Variants in ACSL1 observed in about 807,000 individuals in gnomAD.
The protein encoded by ACSL1 is long-chain-fatty-acid--CoA ligase 1.
Under a neutral mutation model 98.4 loss-of-function variants are expected in ACSL1, and 41 were observed. The observed-to-expected ratio is 0.42, with a 90% CI of 0.32 to 0.54. The LOEUF is 0.54. Ranked by LOEUF, ACSL1 falls within the 20% of genes least tolerant of loss-of-function variation. ACSL1 has a pLI of 0.13. For missense variants in ACSL1, 734 were observed against 883.1 expected, an observed-to-expected ratio of 0.83 and a Z score of 2.14; for synonymous variants, 316 against 322.7, an observed-to-expected ratio of 0.98 and a Z score of 0.22.
rs1334168118 is a variant in ACSL1 at position 184,766,748 on chromosome 4, T to C, written c.1137A>G (p.Gly379=). The C allele has an allele frequency of 1.9e-6, 3 of 1,611,266 alleles. No individual in the cohort carries two copies. Among genetic ancestry groups the C allele is most frequent in the Non-Finnish European group, 2.5e-6 (3 of 1,177,762 alleles). Residue 379 remains glycine, a synonymous_variant, in exon 13 of 21, where the codon GGA becomes GGG. Transcript: ENST00000281455. The surrounding 1 kb of genome is among the most constrained non-coding windows in gnomAD (Gnocchi z 4.8). ...LLNRMFDRIF[G]QANTTLKRWL... ...ATCGCTTCAGCGTGGTGTTTGCTTG[T>C]CCGAAAATCTAATGAGGCAAGACAT...
At chr4:184,775,788 G>A (rs922973488) in intron 7 of ACSL1, among the ~76,000 whole-genome samples, 2 of 152,214 alleles carry the variant, frequency 1.3e-5, no homozygotes, top group Non-Finnish European at 2.9e-5. Flanking sequence ...CCTTCAGAAA[G>A]AGAAGGACTG....
At position 184,757,414 on chromosome 4, in the gene ACSL1, G is replaced by A. The variant is rs2150249726; in HGVS notation, c.1957-149C>T. 9.2e-7 allele frequency: 1 copy of A among 1,082,462 alleles called. No homozygotes were observed. Among genetic ancestry groups the A allele is most frequent in the African/African-American group, 1.6e-5 (1 of 62,840 alleles). 67.1% of individuals were successfully genotyped at this position (1,082,462 alleles called of 1,614,324 possible). ...GCTGCACCTTCTCAACAAAGGACAGGCATCCTATTCTTAGGATAGGATTCG... is the reference window on the plus strand; with the variant it reads ...GCTGCACCTTCTCAACAAAGGACAGACATCCTATTCTTAGGATAGGATTCG... On this transcript the variant is annotated intron_variant, in intron 20 of 20. Coordinates refer to ENST00000281455, the MANE Select transcript of ACSL1 (RefSeq NM_001995.5). The surrounding 1 kb of genome is among the most constrained non-coding windows in gnomAD (Gnocchi z 4.5).
chr4:184,766,906 A>C lies in ACSL1; in HGVS notation c.1129-150T>G. 2.3e-6 allele frequency: 2 copies of C among 851,882 alleles called. No individual in the cohort carries two copies. The highest frequency in any genetic ancestry group is 1.7e-5 in the African/African-American group (1 of 58,364). The allele number at this position is 851,882 out of a possible 1,614,324, so 52.8% of individuals were successfully genotyped here. On this transcript the variant is annotated intron_variant, in intron 12 of 20. Transcript: ENST00000281455. The surrounding 1 kb of genome is among the most constrained non-coding windows in gnomAD (Gnocchi z 4.8). Reference sequence around the variant, plus strand: ...CTGGCCGGTCCTCTAACGGCCCCACATGGTCAGCACAGGACAGCAATTCCA... The same window carrying C: ...CTGGCCGGTCCTCTAACGGCCCCACCTGGTCAGCACAGGACAGCAATTCCA...
chr4:184,811,514 AGAAG>A (rs1772118011), intron 1 of ACSL1, among the ~76,000 whole-genome samples: 1 of 152,182 alleles, frequency 6.6e-6, no homozygotes, highest in African/African-American at 2.4e-5. Flanking sequence ...ACCTTTAAAA[AGAAG>A]GAAATTTGGA....
chr4:184,806,443 C>T (rs1194718355), intron 1 of ACSL1, among the ~76,000 whole-genome samples: 3 of 152,152 alleles, frequency 2.0e-5, no homozygotes, highest in Non-Finnish European at 4.4e-5. Flanking sequence ...ACACACACTG[C>T]CATGCCTTTC....
chr4:184,777,272 C>A (rs1253679517), intron 5 of ACSL1, among the ~76,000 whole-genome samples: 1 of 152,134 alleles, frequency 6.6e-6, no homozygotes, highest in Admixed American at 6.5e-5. Context: ...AGTTCAAGAC[C>A]AGCCTGGGAA....
At chr4:184,770,168 T>A in intron 11 of ACSL1, 1 of 1,218,624 alleles carries the variant, frequency 8.2e-7, no homozygotes, top group Non-Finnish European at 1.1e-6. Context: ...AAAGAATTTA[T>A]ATTCTTTCAA....
intron 3 of ACSL1, chr4:184,788,362 T>C (rs1486546963): frequency 1.0e-5 from 6 of 590,088 alleles, no homozygotes; most frequent in Non-Finnish European, 1.9e-5. Flanking sequence ...TGTGCACTGG[T>C]GTAACATGTG....
chr4:184,808,646 G>C, intron 1 of ACSL1: 1 of 271,272 alleles, frequency 3.7e-6, no homozygotes, highest in Non-Finnish European at 5.6e-6. Flanking sequence ...AGGAACAAGA[G>C]AGCAGCAGCC....
Position 184,825,736 on chromosome 4 carries a change from G to A in ACSL1, c.-33+180C>T, listed in dbSNP as rs956506590. 5.3e-5 allele frequency among the ~76,000 whole-genome samples: 8 copies of A among 149,862 alleles called. No homozygotes were observed. Among genetic ancestry groups the A allele is most frequent in the African/African-American group, 1.2e-4 (5 of 41,212 alleles). On this transcript the variant is annotated intron_variant, in intron 1 of 20. Transcript: ENST00000281455. The surrounding 1 kb of genome is among the most constrained non-coding windows in gnomAD (Gnocchi z 4.7). ...AGGCCTCCGGCTGCCGAGGGAAGCG[G>A]GGCCGCGGGCAGGAGGCCGGAAAGG...
chr4:184,778,309 T>C (rs1225802132), intron 5 of ACSL1, among the ~76,000 whole-genome samples: 2 of 152,206 alleles, frequency 1.3e-5, no homozygotes, highest in African/African-American at 2.4e-5. Context: ...TCACATCCAC[T>C]TGGCCTGGAA....
intron 1 of ACSL1, among the ~76,000 whole-genome samples, chr4:184,818,166 C>T (rs775865873): frequency 6.6e-6 from 1 of 152,120 alleles, no homozygotes; most frequent in Non-Finnish European, 1.5e-5. Context: ...TTGCCTGAGG[C>T]GCAATGTAGG....
rs148932292 is a variant in ACSL1, at chr4:184,756,927, T to C, written c.*198A>G. ...TGGAAAGTGTGTATTACCATAAACA[T>C]GGTCTGCAACATGAGGTGACTGTAA... is the stretch of plus-strand genomic sequence containing the variant. On this transcript the variant is annotated 3_prime_UTR_variant, in exon 21 of 21. Transcript: ENST00000281455. The C allele has an allele frequency of 5.7e-4, 320 of 564,436 alleles. 1 individual carries two copies. The East Asian group carries it at 8.7e-3, about 15-fold the overall frequency. The allele number at this position is 564,436 out of a possible 1,614,324, so 35.0% of individuals were successfully genotyped here. A position where few individuals can be genotyped will look rare whatever the true frequency, so the allele number is the denominator to read the frequency against.
At chr4:184,768,243 C>T in intron 12 of ACSL1, 73 bp downstream of exon 12, 1 of 1,494,904 alleles carries the variant, frequency 6.7e-7, no homozygotes, top group Non-Finnish European at 9.0e-7. Flanking sequence ...GCACATGGCA[C>T]AGCCCAATTC....
intron 14 of ACSL1, 80 bp downstream of exon 14, chr4:184,765,810 CA>C: frequency 8.3e-7 from 1 of 1,200,556 alleles, no homozygotes; most frequent in Non-Finnish European, 1.2e-6. Flanking sequence ...CACACACACA[CA>C]CAGTACAGAT....
At chr4:184,784,869 T>C (rs764439509) in intron 3 of ACSL1, among the ~76,000 whole-genome samples, 1 of 152,170 alleles carries the variant, frequency 6.6e-6, no homozygotes, top group African/African-American at 2.4e-5. Context: ...ACAGTCCTGA[T>C]GAAAACAGGA....
rs1424714354 is a variant in ACSL1, at chr4:184,757,853, A to G, written c.1850T>C (p.Phe617Ser). Residue 617 changes from phenylalanine to serine, a missense_variant, in exon 19 of 21, where the codon TTT becomes TCT. Transcript: ENST00000281455. The surrounding 1 kb of genome is among the most constrained non-coding windows in gnomAD (Gnocchi z 4.5). ...TLCSWAQKRG[F>S]EGSFEELCRN... ...GCACAGTTCCTCAAACGACCCTTCA[A>G]ATCCTCTCTTTTGGGCCCAGGAACA... The G allele has an allele frequency of 2.5e-6, 4 of 1,614,054 alleles. No individual in the cohort carries two copies. The highest frequency in any genetic ancestry group is 2.7e-5 in the African/African-American group (2 of 74,928).
chr4:184,813,976 G>A (rs1004524157), intron 1 of ACSL1: 1 of 437,210 alleles, frequency 2.3e-6, no homozygotes, highest in Non-Finnish European at 4.7e-6. Context: ...TTCCCGTGGT[G>A]ACTATGGAAA....
rs1765408330 is a variant in ACSL1 at position 184,777,101 on chromosome 4, T to C, written c.478-118A>G. ...CATTTGACGCAGCAAAATTAACATC[T>C]GTGTTAGCTACTACTCTGTGCCAGG... is the stretch of plus-strand genomic sequence containing the variant. On this transcript the variant is annotated intron_variant, in intron 5 of 20. Coordinates refer to ENST00000281455, the MANE Select transcript of ACSL1 (RefSeq NM_001995.5). 2.4e-5 allele frequency: 20 copies of C among 848,564 alleles called. No individual in the cohort carries two copies. The South Asian group carries it at 3.0e-4, about 13-fold the overall frequency. 52.6% of individuals were successfully genotyped at this position (848,564 alleles called of 1,614,324 possible).
Sources: gnomAD v4.1 joint callset for allele counts (sites outside exome capture counted in the v4.1 genomes callset) on GRCh38, gnomAD v4.1.1 for gene constraint, Gnocchi (gnomAD v3.1) non-coding constraint, MANE v1.5 for transcripts, NCBI Gene and HGNC (gene_info 2026-07-23, HGNC 2026-07-21) for gene names.